RIMBP2: variants seen among roughly 807,000 people sequenced by gnomAD.
RIMBP2 encodes the protein RIMS binding protein 2.
In RIMBP2, 48 loss-of-function variants were observed where a neutral mutation model predicts 118.6. The ratio of observed to expected loss-of-function variants is 0.40; its 90% CI spans 0.32 to 0.51. The LOEUF (loss-of-function observed/expected upper bound fraction) is 0.51, where lower values mean the gene tolerates loss of function less well. Among genes scored for constraint, RIMBP2 ranks in the 20% least tolerant of loss-of-function variants. The pLI is 0.41. For missense variants in RIMBP2, 1,551 were observed against 1,768.3 expected (o/e 0.88, Z 2.20); for synonymous variants, 762 against 742.9 (o/e 1.03, Z -0.42).
At chr12:130,549,969 A>G (rs779234965) in intron 2 of RIMBP2, among the ~76,000 whole-genome samples, 1 of 152,130 alleles carries the variant, frequency 6.6e-6, no homozygotes, top group African/African-American at 2.4e-5. Context: ...CTACACTCCC[A>G]CTGAGAGTGT....
At chr12:130,557,145 G>C (rs1483754366) in intron 2 of RIMBP2, among the ~76,000 whole-genome samples, 6 of 152,088 alleles carry the variant, frequency 3.9e-5, no homozygotes, top group East Asian at 1.9e-4. Flanking sequence ...TTTGCACACA[G>C]AGCTGCACAC....
At chr12:130,636,020 G>A (rs547015468) in intron 1 of RIMBP2, among the ~76,000 whole-genome samples, 3 of 152,226 alleles carry the variant, frequency 2.0e-5, no homozygotes, top group African/African-American at 7.2e-5. Flanking sequence ...TGCCACTCGT[G>A]ACCTGGTTCC....
In RIMBP2 at chr12:130,438,651, G is replaced by C. The variant is rs979661958; in HGVS notation, c.1505-135C>G. On this transcript the variant is annotated intron_variant, in intron 11 of 22. Coordinates refer to ENST00000690449, the MANE Select transcript of RIMBP2 (RefSeq NM_001393629.1). Reference sequence around the variant, plus strand: ...CCAGGGAAAAAGAGAAGACAGTGTTGAAAGCACATCAGAAACTGTGGTGAG... The same window carrying C: ...CCAGGGAAAAAGAGAAGACAGTGTTCAAAGCACATCAGAAACTGTGGTGAG... 7 of 378,174 alleles carry C rather than the reference G, an allele frequency of 1.9e-5. 1 individual carries two copies. The Admixed American group carries it at 3.1e-4, about 17-fold the overall frequency. The allele number at this position is 378,174 out of a possible 1,614,324, so 23.4% of individuals were successfully genotyped here.
At chr12:130,653,755 T>A (rs1416462004) in intron 1 of RIMBP2, among the ~76,000 whole-genome samples, 1 of 152,242 alleles carries the variant, frequency 6.6e-6, no homozygotes, top group African/African-American at 2.4e-5. Context: ...TCCTTCATGC[T>A]TGCATTCTGT....
intron 13 of RIMBP2, among the ~76,000 whole-genome samples, chr12:130,436,089 G>A (rs753400135): frequency 2.6e-5 from 4 of 152,230 alleles, no homozygotes; most frequent in Non-Finnish European, 5.9e-5. Flanking sequence ...GGAGAGATGA[G>A]AGCGGGTTCT....
chr12:130,582,512 A>C (rs4759497), intron 2 of RIMBP2, among the ~76,000 whole-genome samples: 1 of 152,244 alleles, frequency 6.6e-6, no homozygotes, highest in Non-Finnish European at 1.5e-5. Context: ...GGGATGACGC[A>C]TGGCACCATG....
intron 1 of RIMBP2, among the ~76,000 whole-genome samples, chr12:130,661,208 G>A (rs917558527): frequency 6.6e-6 from 1 of 152,186 alleles, no homozygotes; most frequent in African/African-American, 2.4e-5. Context: ...CTAATCTATT[G>A]TTCCTCAACT....
chr12:130,703,817 CAGAG>C lies in RIMBP2; in HGVS notation c.-352+12401_-352+12404del, dbSNP rs111806180. On this transcript the variant is annotated intron_variant, in intron 1 of 22. Transcript: ENST00000690449. The surrounding 1 kb of genome is among the most constrained non-coding windows in gnomAD (Gnocchi z 5.7). ...CCACAATTGAACAGCTTAGGAAATA[CAGAG>C]AGAGAGAGAGAGATCGATCTAGAAG... 7.0e-6 allele frequency among the ~76,000 whole-genome samples: 1 copy of C among 142,066 alleles called. No homozygotes were observed. The highest frequency in any genetic ancestry group is 1.5e-5 in the Non-Finnish European group (1 of 65,750). The allele number at this position is 142,066 out of a possible 152,430, so 93.2% of individuals were successfully genotyped here.
At chr12:130,472,233 G>A (rs2081069411) in intron 5 of RIMBP2, 1 of 152,264 alleles carries the variant, frequency 6.6e-6, no homozygotes, top group Admixed American at 6.5e-5. Flanking sequence ...TTTCCTGTTT[G>A]GGTTTTCTGT....
At chr12:130,482,878 CAT>C (rs1269149283) in intron 4 of RIMBP2, among the ~76,000 whole-genome samples, 1 of 105,162 alleles carries the variant, frequency 9.5e-6, no homozygotes, top group Non-Finnish European at 2.0e-5. Flanking sequence ...TGTGTGTGTA[CAT>C]GTGTCAGATT....
At chr12:130,591,584 C>T (rs552648602) in intron 2 of RIMBP2, among the ~76,000 whole-genome samples, 16 of 143,202 alleles carry the variant, frequency 1.1e-4, no homozygotes, top group African/African-American at 3.7e-4. Flanking sequence ...CGGGGAGGGG[C>T]GGGGGGGCTC....
At chr12:130,679,147 G>T (rs1164085167) in intron 1 of RIMBP2, among the ~76,000 whole-genome samples, 1 of 152,210 alleles carries the variant, frequency 6.6e-6, no homozygotes, top group Non-Finnish European at 1.5e-5. Context: ...GAATCTAGAA[G>T]AATGATAAAT....
chr12:130,470,791 A>G (rs994801399), intron 5 of RIMBP2, 48 bp from the exon 6 acceptor site: 47 of 1,122,160 alleles, frequency 4.2e-5, no homozygotes, highest in African/African-American at 2.6e-4. Flanking sequence ...CAAAGGGGAA[A>G]GAAGACAATC....
At chr12:130,661,493 T>C (rs1320615174) in intron 1 of RIMBP2, among the ~76,000 whole-genome samples, 1 of 152,246 alleles carries the variant, frequency 6.6e-6, no homozygotes, top group Admixed American at 6.5e-5. Flanking sequence ...TTTGAGCTCC[T>C]AAACCATTAC....
intron 3 of RIMBP2, among the ~76,000 whole-genome samples, chr12:130,512,522 C>T (rs1173916533): frequency 6.6e-6 from 1 of 152,166 alleles, no homozygotes. Flanking sequence ...AGGGTTTCTC[C>T]ATGTTGGCCA....
intron 1 of RIMBP2, among the ~76,000 whole-genome samples, chr12:130,666,910 G>C (rs2063943351): frequency 7.7e-6 from 1 of 129,560 alleles, no homozygotes; most frequent in African/African-American, 3.0e-5. Flanking sequence ...GAAAGGGAGG[G>C]AGAAAGAGAG....
At chr12:130,430,389 G>A (rs966988316) in intron 14 of RIMBP2, 1 of 152,186 alleles carries the variant, frequency 6.6e-6, no homozygotes, top group Non-Finnish European at 1.5e-5. Context: ...TAAAGAGGCT[G>A]AGGTAAAGCC....
In RIMBP2 at chr12:130,438,379, C is replaced by A; in HGVS notation, c.1642G>T (p.Ala548Ser). The change falls in exon 12 of 23, where the codon GCC (alanine) becomes TCC (serine). Residue 548 changes from alanine (A) to serine (S), a missense_variant. By Grantham distance (99) the Ala-to-Ser change is moderately conservative (BLOSUM62 1). Around this residue, in one of 5 missense-constraint regions of RIMBP2, gnomAD observed 1,038 missense variants for 1,125.1 expected, o/e 0.92. Coordinates refer to ENST00000690449, the MANE Select transcript of RIMBP2 (RefSeq NM_001393629.1). ...GANVTGYGVY[A>S]KGQRVAEVIF... ...CGAAAACTCACCCTCTGCCCTTTGG[C>A]ATACACGCCGTAGCCGGTAACGTTT... 8.0e-7 allele frequency: 1 copy of A among 1,247,620 alleles called. No individual in the cohort carries two copies. The highest frequency in any genetic ancestry group is 1.2e-5 in the South Asian group (1 of 85,012). The allele number at this position is 1,247,620 out of a possible 1,614,324, so 77.3% of individuals were successfully genotyped here. A position where few individuals can be genotyped will look rare whatever the true frequency, so the allele number is the denominator to read the frequency against.
intron 1 of RIMBP2, chr12:130,660,473 G>C (rs2063612304): frequency 6.6e-6 from 1 of 151,692 alleles, no homozygotes; most frequent in South Asian, 2.1e-4. Context: ...CCGTATGAGG[G>C]GAAACTGGGA....
Sources: gnomAD v4.1 joint callset for allele counts (sites outside exome capture counted in the v4.1 genomes callset) on GRCh38, gnomAD v4.1.1 for gene constraint, gnomAD v4.1.1 regional missense constraint, Gnocchi (gnomAD v3.1) non-coding constraint, MANE v1.5 for transcripts, NCBI Gene and HGNC (gene_info 2026-07-23, HGNC 2026-07-21) for gene names.